Variants in NYAP2 observed in about 807,000 individuals in gnomAD.
NYAP2 encodes neuronal tyrosine-phosphorylated phosphoinositide-3-kinase adapter 2.
A neutral mutation model predicts 50.4 loss-of-function variants in NYAP2; 23 were observed. The ratio of observed to expected loss-of-function variants is 0.46; its 90% confidence interval spans 0.33 to 0.65. The LOEUF (loss-of-function observed/expected upper bound fraction) is 0.65. Among genes scored for constraint, NYAP2 ranks in the 30% least tolerant of loss-of-function variants. The pLI, the probability that NYAP2 is intolerant of heterozygous loss-of-function variation, is 0.02. For synonymous variants in NYAP2, 394 were observed against 365.2 expected, an observed-to-expected ratio of 1.08 and a Z score of -0.90; for missense variants, 885 against 861.0, an observed-to-expected ratio of 1.03 and a Z score of -0.35.
chr2:225,691,736 T>C, the NYAP2 span, among the ~76,000 whole-genome samples: 1 of 152,118 alleles, frequency 6.6e-6, no homozygotes, highest in Admixed American at 6.6e-5. Context: ...TCTCCCCTTC[T>C]TGAGTCACAC....
chr2:225,591,316 A>G (rs527649578), intron 5 of NYAP2, among the ~76,000 whole-genome samples: 2 of 152,284 alleles, frequency 1.3e-5, no homozygotes, highest in East Asian at 3.9e-4. Context: ...TGACTGGGCC[A>G]AGGAGCTGAG....
the NYAP2 span, among the ~76,000 whole-genome samples, chr2:225,667,379 G>A: frequency 1.9e-4 from 29 of 152,154 alleles, no homozygotes; most frequent in African/African-American, 6.8e-4. Context: ...TGAGAAGTCT[G>A]AAGTCATACA....
intron 5 of NYAP2, among the ~76,000 whole-genome samples, chr2:225,593,091 C>T (rs1692538208): frequency 6.6e-6 from 1 of 152,098 alleles, no homozygotes; most frequent in Non-Finnish European, 1.5e-5. Flanking sequence ...GTACTCTTGA[C>T]ACTTTGAGAA....
intron 4 of NYAP2, among the ~76,000 whole-genome samples, chr2:225,540,858 T>A (rs1378466383): frequency 6.6e-6 from 1 of 152,186 alleles, no homozygotes; most frequent in Non-Finnish European, 1.5e-5. Flanking sequence ...TTGAGAAATC[T>A]CCAAAGTGTT....
intron 3 of NYAP2, among the ~76,000 whole-genome samples, chr2:225,409,653 ATTAC>A (rs1410142660): frequency 6.6e-6 from 1 of 152,120 alleles, no homozygotes; most frequent in African/African-American, 2.4e-5. Context: ...TTCAAATGGA[ATTAC>A]TTTTATGATG....
chr2:225,569,491 A>C (rs1559217149), intron 4 of NYAP2, among the ~76,000 whole-genome samples: 2 of 152,270 alleles, frequency 1.3e-5, no homozygotes, highest in East Asian at 1.9e-4. Context: ...AGCATGTCAC[A>C]GTGCTGTATT....
intron 3 of NYAP2, among the ~76,000 whole-genome samples, chr2:225,490,882 A>C (rs1214671108): frequency 6.6e-6 from 1 of 152,236 alleles, no homozygotes; most frequent in Non-Finnish European, 1.5e-5. Flanking sequence ...GACTGTTAAA[A>C]GATGTTGCTT....
chr2:225,654,607 C>T (rs546960029), downstream of NYAP2, among the ~76,000 whole-genome samples: 1 of 152,188 alleles, frequency 6.6e-6, no homozygotes, highest in Non-Finnish European at 1.5e-5. Flanking sequence ...TCGCTTAAAC[C>T]CAGGAGGCAG....
intron 3 of NYAP2, among the ~76,000 whole-genome samples, chr2:225,474,197 G>A (rs558483779): frequency 6.6e-6 from 1 of 152,156 alleles, no homozygotes; most frequent in East Asian, 1.9e-4. Flanking sequence ...GTACCATGCT[G>A]TTTTGGTTAC....
intron 4 of NYAP2, among the ~76,000 whole-genome samples, chr2:225,561,877 A>AT (rs1691882543): frequency 6.6e-6 from 1 of 152,072 alleles, no homozygotes; most frequent in South Asian, 2.1e-4. Flanking sequence ...GGGTCCTGGA[A>AT]TTAGGGGCTA....
intron 2 of NYAP2, among the ~76,000 whole-genome samples, chr2:225,404,683 G>T (rs1694911116): frequency 6.6e-6 from 1 of 151,942 alleles, no homozygotes; most frequent in Non-Finnish European, 1.5e-5. Flanking sequence ...TGGTCAACAT[G>T]ATGTAAATAA....
At chr2:225,616,436 C>A (rs530735366) in intron 5 of NYAP2, among the ~76,000 whole-genome samples, 1 of 152,312 alleles carries the variant, frequency 6.6e-6, no homozygotes, top group East Asian at 1.9e-4. Flanking sequence ...AAGCCCCCAG[C>A]ACTTGCCTGG....
At chr2:225,536,601 A>G (rs1193349489) in intron 4 of NYAP2, among the ~76,000 whole-genome samples, 1 of 152,078 alleles carries the variant, frequency 6.6e-6, no homozygotes, top group African/African-American at 2.4e-5. Context: ...ATTTTTATAT[A>G]ACCATACAAT....
the NYAP2 span, among the ~76,000 whole-genome samples, chr2:225,677,719 T>C: frequency 6.6e-6 from 1 of 152,230 alleles, no homozygotes; most frequent in Non-Finnish European, 1.5e-5. Context: ...ATCATATTTA[T>C]TGATTTGCAT....
chr2:225,605,659 GTAAA>G (rs927631847), intron 5 of NYAP2, among the ~76,000 whole-genome samples: 8 of 151,898 alleles, frequency 5.3e-5, no homozygotes, highest in East Asian at 1.9e-4. Context: ...TAATCATAAT[GTAAA>G]TAAATAAATA....
intron 5 of NYAP2, among the ~76,000 whole-genome samples, chr2:225,599,913 T>C (rs1416085839): frequency 6.6e-6 from 1 of 152,008 alleles, no homozygotes; most frequent in Non-Finnish European, 1.5e-5. Context: ...AAGTGTAGAG[T>C]TCAGTGGCAG....
chr2:225,677,203 T>C, the NYAP2 span, among the ~76,000 whole-genome samples: 2 of 152,236 alleles, frequency 1.3e-5, no homozygotes, highest in East Asian at 3.9e-4. Flanking sequence ...CTTGACTTGG[T>C]TCTAAGCTAG....
chr2:225,400,861 T>G (rs751095609), exon 2 of NYAP2: 4 of 152,456 alleles, frequency 2.6e-5, no homozygotes, highest in Non-Finnish European at 5.9e-5. Context: ...AGTCGACACT[T>G]TTCCCATCCA....
At chr2:225,610,987 G>A (rs888771566) in intron 5 of NYAP2, among the ~76,000 whole-genome samples, 43 of 152,262 alleles carry the variant, frequency 2.8e-4, no homozygotes, top group African/African-American at 9.1e-4. Context: ...TTTATGCCAC[G>A]TAGAATTTGC....
Sources: gnomAD v4.1 joint callset for allele counts (sites outside exome capture counted in the v4.1 genomes callset) on GRCh38, gnomAD v4.1.1 for gene constraint, MANE v1.5 for transcripts, NCBI Gene and HGNC (gene_info 2026-07-23, HGNC 2026-07-21) for gene names.